Variants in F10 observed in about 807,000 individuals in gnomAD.
F10 encodes the protein Stuart-Prower factor.
A neutral mutation model predicts 37.1 loss-of-function variants in F10; 29 were observed. That is an observed-to-expected ratio of 0.78 (90% CI 0.58 to 1.07). F10 has a LOEUF of 1.07. Ranked by LOEUF, F10 falls within the 50% of genes least tolerant of loss-of-function variation. The pLI is 0.00. For synonymous variants in F10, 262 were observed against 268.6 expected (o/e 0.98, Z 0.24); for missense variants, 539 against 667.9 (o/e 0.81, Z 2.13).
chr13:113,129,079 A>G (rs2036399464), intron 1 of F10, among the ~76,000 whole-genome samples: 1 of 152,182 alleles, frequency 6.6e-6, no homozygotes. Flanking sequence ...ATGTGATCCT[A>G]TACTAGAGAA....
At position 113,143,786 on chromosome 13, in the gene F10, G is replaced by A. The variant is rs2138548530; in HGVS notation, c.503-65G>A. ...CTCTCTGACTCTTCTCCCTCAGGGT[G>A]AGCTGTGCAGGCTATGGGGAGCCTC... On this transcript the variant is annotated intron_variant, in intron 5 of 7. Coordinates refer to ENST00000375559, the MANE Select transcript of F10 (RefSeq NM_000504.4). This position sits in a 1 kb window ranked among gnomAD's most constrained non-coding sequence, Gnocchi z 6.8. 3.1e-6 allele frequency: 5 copies of A among 1,601,394 alleles called. No individual in the cohort carries two copies. The highest frequency in any genetic ancestry group is 4.2e-6 in the Non-Finnish European group (5 of 1,179,374).
At position 113,126,167 on chromosome 13, in the gene F10, C is replaced by A. The variant is rs1566914507; in HGVS notation, c.70+3242C>A. Among the ~76,000 whole-genome samples the A allele has an allele frequency of 4.6e-5, 7 of 151,960 alleles. 1 individual carries two copies. In the South Asian group the frequency reaches 1.5e-3, roughly 32 times the overall value. On this transcript the variant is annotated intron_variant, in intron 1 of 7. Transcript: ENST00000375559. ...CCTGGGAGGCCTGGCCATGGGAAGA[C>A]CCTGGGCTCTGTTCTAAGACCACTA...
intron 2 of F10, among the ~76,000 whole-genome samples, chr13:113,137,623 G>A (rs188909638): frequency 6.6e-6 from 1 of 152,204 alleles, no homozygotes; most frequent in South Asian, 2.1e-4. Context: ...AAATTAGGGT[G>A]TCAGCAGTGT....
intron 2 of F10, chr13:113,129,912 A>C: frequency 2.5e-6 from 1 of 406,980 alleles, no homozygotes; most frequent in South Asian, 2.2e-5. Flanking sequence ...TAAAATGTTA[A>C]CCTAAAAACC....
intron 1 of F10, among the ~76,000 whole-genome samples, chr13:113,126,830 G>A (rs1391572901): frequency 6.6e-6 from 1 of 152,188 alleles, no homozygotes; most frequent in Admixed American, 6.5e-5. Context: ...CAACATGAGA[G>A]CCAGAGGCCC....
chr13:113,122,967 G>A (rs1230571736), intron 1 of F10, 42 bp downstream of exon 1: 2 of 1,599,880 alleles, frequency 1.3e-6, no homozygotes, highest in Middle Eastern at 1.7e-4. Flanking sequence ...CAGCGCCAGG[G>A]AGCAGGGAGG....
chr13:113,145,512 A>G (rs777238721), intron 6 of F10, among the ~76,000 whole-genome samples: 3 of 152,262 alleles, frequency 2.0e-5, no homozygotes, highest in Non-Finnish European at 4.4e-5. Context: ...CAAGTATCGC[A>G]TGAAGCATAC....
chr13:113,139,345 C>T lies in F10; in HGVS notation c.257-12C>T, dbSNP rs372691873. ...GCTTGCAGACTCCAGTTTCGAAATC[C>T]TCTCTTTGCAGATGGCGACCAGTGT... On this transcript the variant is annotated splice_polypyrimidine_tract_variant and intron_variant, in intron 3 of 7. Coordinates refer to ENST00000375559, the MANE Select transcript of F10 (RefSeq NM_000504.4). The surrounding 1 kb of genome is among the most constrained non-coding windows in gnomAD (Gnocchi z 5.2). The T allele has an allele frequency of 2.0e-4, 330 of 1,612,170 alleles. 3 individuals carry two copies. The highest frequency in any genetic ancestry group is 3.9e-5 in the Non-Finnish European group (46 of 1,178,460).
At chr13:113,147,547 T>C in intron 7 of F10, 51 bp downstream of exon 7, 2 of 1,102,568 alleles carry the variant, frequency 1.8e-6, no homozygotes, top group Non-Finnish European at 2.8e-6. Flanking sequence ...CGTCACTGTC[T>C]GCTTTTCAGA....
In F10 at chr13:113,145,127, A is replaced by G. The variant is rs528039117; in HGVS notation, c.747+1032A>G. Reference sequence around the variant, plus strand: ...CATCTCCTGACCTGGTGATCTGCCCACCTCAGCCTCCCAAAGTGCTGGGAT... The same window carrying G: ...CATCTCCTGACCTGGTGATCTGCCCGCCTCAGCCTCCCAAAGTGCTGGGAT... On this transcript the variant is annotated intron_variant, in intron 6 of 7. Transcript: ENST00000375559. Among the ~76,000 whole-genome samples, 750 of 152,164 alleles carry G rather than the reference A, an allele frequency of 4.9e-3. 3 individuals are homozygous for G. Among genetic ancestry groups the G allele is most frequent in the South Asian group, 0.019 (93 of 4,820 alleles).
Position 113,146,300 on chromosome 13 carries a change from CT to C in F10, c.748-1078del, listed in dbSNP as rs1323194931. Among the ~76,000 whole-genome samples, 1 of 152,154 alleles carries C rather than the reference CT, an allele frequency of 6.6e-6. No individual in the cohort carries two copies. The highest frequency in any genetic ancestry group is 2.4e-5 in the African/African-American group (1 of 41,426). ...ACCGAAATCCTCCCAGTCCCAGGCA[CT>C]GTGTGGTTGGGGCAAGAACCTCGAT... is the stretch of plus-strand genomic sequence containing the variant. On this transcript the variant is annotated intron_variant, in intron 6 of 7. Coordinates refer to ENST00000375559, the MANE Select transcript of F10 (RefSeq NM_000504.4). The surrounding 1 kb of genome is among the most constrained non-coding windows in gnomAD (Gnocchi z 4.5).
At chr13:113,142,682 T>C (rs1346342280) in intron 5 of F10, among the ~76,000 whole-genome samples, 3 of 148,272 alleles carry the variant, frequency 2.0e-5, no homozygotes, top group African/African-American at 7.3e-5. Flanking sequence ...TCCCAGCACT[T>C]TGGGAAGCCA....
intron 3 of F10, 66 bp downstream of exon 3, chr13:113,138,547 T>C (rs1489428098): frequency 9.7e-7 from 1 of 1,032,242 alleles, no homozygotes; most frequent in Non-Finnish European, 1.5e-6. Context: ...ATTTTGAAAA[T>C]AGTTCCTGAA....
chr13:113,146,944 G>T lies in F10; in HGVS notation c.748-435G>T, dbSNP rs3211797. Among the ~76,000 whole-genome samples the T allele has an allele frequency of 0.02, 3,049 of 152,270 alleles. 37 individuals carry two copies. The highest frequency in any genetic ancestry group is 0.044 in the Middle Eastern group (13 of 294). On this transcript the variant is annotated intron_variant, in intron 6 of 7. Transcript: ENST00000375559. This position sits in a 1 kb window ranked among gnomAD's most constrained non-coding sequence, Gnocchi z 4.5. ...AGTCACCTGGGATGGAGGTGTCCGT[G>T]CACCATGGGGGACAGGCTCACACTG...
intron 4 of F10, 85 bp from the exon 5 acceptor site, chr13:113,140,834 C>G: frequency 1.2e-6 from 2 of 1,602,022 alleles, no homozygotes; most frequent in Non-Finnish European, 1.7e-6. Flanking sequence ...GGCTGACAGG[C>G]AAGTGGATGT....
At chr13:113,138,511 T>C in intron 3 of F10, 30 bp downstream of exon 3, 1 of 1,354,146 alleles carries the variant, frequency 7.4e-7, no homozygotes, top group Non-Finnish European at 1.1e-6. Context: ...TAACCTTCAG[T>C]GAGAGGGGTT....
intron 2 of F10, among the ~76,000 whole-genome samples, chr13:113,133,282 A>G (rs545295299): frequency 6.6e-6 from 1 of 152,294 alleles, no homozygotes; most frequent in East Asian, 1.9e-4. Context: ...TAAGCTGATG[A>G]AACTCAAACA....
intron 7 of F10, among the ~76,000 whole-genome samples, chr13:113,148,149 G>A (rs2036599124): frequency 1.3e-5 from 2 of 151,730 alleles, no homozygotes; most frequent in Non-Finnish European, 2.9e-5. Flanking sequence ...GGCCAGCATG[G>A]CGAAACCCCA....
intron 7 of F10, 22 bp downstream of exon 7, chr13:113,147,518 GGGCC>G: frequency 7.0e-7 from 1 of 1,425,186 alleles, no homozygotes; most frequent in South Asian, 1.1e-5. Flanking sequence ...ACAGCCCCCA[GGGCC>G]GTGGTGAGGG....
Sources: allele counts gnomAD v4.1 joint callset (sites outside exome capture counted in the v4.1 genomes callset), GRCh38; gene constraint gnomAD v4.1.1; non-coding constraint Gnocchi (gnomAD v3.1); transcripts MANE v1.5; gene names NCBI Gene and HGNC (gene_info 2026-07-23, HGNC 2026-07-21).